The following ZNF385C variants were observed in gnomAD, a reference collection of about 807,000 sequenced individuals.
The protein encoded by ZNF385C is CTD-2132N18.2.
Under a neutral mutation model 35.4 loss-of-function variants are expected in ZNF385C, and 28 were observed. That is an observed-to-expected ratio of 0.79 (90% CI 0.59 to 1.08). The LOEUF (loss-of-function observed/expected upper bound fraction) is 1.08, where lower values mean the gene tolerates loss of function less well. ZNF385C is among the 50% of genes least tolerant of loss of function. The pLI is 0.00. For missense variants in ZNF385C, 605 were observed against 595.6 expected (o/e 1.02, Z -0.16); for synonymous variants, 248 against 248.2 (o/e 1.00, Z 0.01).
chr17:42,088,934 T>G (rs2053837309), intron 1 of ZNF385C, among the ~76,000 whole-genome samples: 1 of 151,850 alleles, frequency 6.6e-6, no homozygotes, highest in African/African-American at 2.4e-5. Flanking sequence ...CAAGCGATCC[T>G]CCCGCCTTGG....
Position 42,026,905 on chromosome 17 carries a change from G to A in ZNF385C, c.1504C>T (p.Pro502Ser), listed in dbSNP as rs782575618. 8 of 1,592,168 alleles carry A rather than the reference G, an allele frequency of 5.0e-6. No individual in the cohort carries two copies. The East Asian group carries it at 1.8e-4, about 36-fold the overall frequency. ...RPATGPIVLA[P>S]Y ...TGGCCTCCCCATGAGGGCTAATAAG[G>A]GGCAAGGACGATAGGTCCTGTGGCA... Residue 502 changes from proline (P) to serine (S), a missense_variant, in exon 9 of 9, where the codon CCT (proline) becomes TCT (serine). Transcript: ENST00000692273.
chr17:42,073,915 T>C (rs1221037143), intron 1 of ZNF385C, among the ~76,000 whole-genome samples: 1 of 152,050 alleles, frequency 6.6e-6, no homozygotes. Context: ...CAGGGATGCC[T>C]CACCCACGGT....
At chr17:42,062,772 C>A in intron 2 of ZNF385C, 35 bp downstream of exon 2, 1 of 512,164 alleles carries the variant, frequency 2.0e-6, no homozygotes, top group East Asian at 3.3e-5. Context: ...CTCCCCAAAC[C>A]AAATTTGTGG....
chr17:42,076,577 G>GC, intron 1 of ZNF385C, among the ~76,000 whole-genome samples: 1 of 152,106 alleles, frequency 6.6e-6, no homozygotes, highest in South Asian at 2.1e-4. Flanking sequence ...AGCCAAGATC[G>GC]CGCCACTGCA....
intron 4 of ZNF385C, among the ~76,000 whole-genome samples, chr17:42,033,216 C>T (rs951446300): frequency 2.6e-5 from 4 of 152,202 alleles, no homozygotes; most frequent in Admixed American, 1.3e-4. Context: ...GGCATCCAAC[C>T]GAAACCCCAG....
intron 2 of ZNF385C, among the ~76,000 whole-genome samples, chr17:42,059,159 C>A (rs1219712967): frequency 6.6e-6 from 1 of 152,152 alleles, no homozygotes. Flanking sequence ...ATCTAAGGAC[C>A]CGTCCCCACT....
rs375449373 is a variant in ZNF385C at position 42,026,914 on chromosome 17, C to T, written c.1495G>A (p.Val499Ile). 4.3e-5 allele frequency: 68 copies of T among 1,598,330 alleles called. 1 individual carries two copies. In the African/African-American group the frequency reaches 5.5e-4, roughly 13 times the overall value. ...CATGAGGGCTAATAAGGGGCAAGGACGATAGGTCCTGTGGCAGGGCGGACA... is the reference window on the plus strand; with the variant it reads ...CATGAGGGCTAATAAGGGGCAAGGATGATAGGTCCTGTGGCAGGGCGGACA... The part of the protein sequence containing the change: ...GAVRPATGPI[V>I]LAPY Residue 499 changes from valine (V) to isoleucine (I), a missense_variant, in exon 9 of 9, where the codon GTC (valine) becomes ATC (isoleucine). By Grantham distance (29) the Val-to-Ile change is conservative. Transcript: ENST00000692273.
chr17:42,042,145 G>A (rs782803535), intron 2 of ZNF385C, among the ~76,000 whole-genome samples: 2 of 152,096 alleles, frequency 1.3e-5, no homozygotes, highest in African/African-American at 4.8e-5. Context: ...GCCAAGGCAG[G>A]AGGATTGCTT....
At chr17:42,076,177 C>A (rs139291072) in intron 1 of ZNF385C, among the ~76,000 whole-genome samples, 13 of 152,308 alleles carry the variant, frequency 8.5e-5, no homozygotes, top group African/African-American at 2.9e-4. Context: ...GAATAACACA[C>A]CCCTAAACTC....
chr17:42,038,878 CTG>C (rs1228575900), intron 2 of ZNF385C: 2 of 152,272 alleles, frequency 1.3e-5, no homozygotes, highest in African/African-American at 4.8e-5. Flanking sequence ...GGACACTGTG[CTG>C]TGTGTCAGAA....
intron 1 of ZNF385C, among the ~76,000 whole-genome samples, chr17:42,093,411 T>A (rs368120958): frequency 3.9e-5 from 6 of 152,072 alleles, no homozygotes; most frequent in African/African-American, 1.4e-4. Flanking sequence ...ATCCCTTATC[T>A]CCCAGAGTGA....
intron 1 of ZNF385C, among the ~76,000 whole-genome samples, chr17:42,070,872 G>A (rs568081738): frequency 1.5e-4 from 23 of 152,322 alleles, no homozygotes; most frequent in Middle Eastern, 3.4e-3. Flanking sequence ...CTGAGGGGCC[G>A]TCAATGAGCA....
intron 1 of ZNF385C, among the ~76,000 whole-genome samples, chr17:42,079,186 G>A (rs1304159105): frequency 4.0e-4 from 26 of 65,034 alleles, no homozygotes; most frequent in African/African-American, 1.8e-3. Context: ...ACCCTGTCTC[G>A]CAAAAAAAAA....
At position 42,026,893 on chromosome 17, in the gene ZNF385C, AG is replaced by A; in HGVS notation, c.*3del. On this transcript the variant is annotated 3_prime_UTR_variant, in exon 9 of 9. Transcript: ENST00000692273. Reference sequence around the variant, plus strand: ...GGAAATCAGCTCTGGCCTCCCCATGAGGGCTAATAAGGGGCAAGGACGATAG... The same window carrying A: ...GGAAATCAGCTCTGGCCTCCCCATGAGGCTAATAAGGGGCAAGGACGATAG... 1 of 1,582,548 alleles carries A rather than the reference AG, an allele frequency of 6.3e-7. No individual in the cohort carries two copies. Among genetic ancestry groups the A allele is most frequent in the Non-Finnish European group, 8.6e-7 (1 of 1,163,806 alleles).
intron 2 of ZNF385C, among the ~76,000 whole-genome samples, chr17:42,049,901 C>T (rs1555656956): frequency 1.3e-5 from 2 of 152,234 alleles, no homozygotes; most frequent in African/African-American, 4.8e-5. Flanking sequence ...TTTTCAAGTG[C>T]TTAGTAGCCA....
intron 2 of ZNF385C, among the ~76,000 whole-genome samples, chr17:42,060,725 A>AT (rs1180215090): frequency 7.9e-5 from 12 of 151,160 alleles, no homozygotes; most frequent in South Asian, 2.1e-4. Flanking sequence ...TTTTTATTTT[A>AT]TTTTTTTTGA....
At chr17:42,053,477 T>TC (rs11384295) in intron 2 of ZNF385C, among the ~76,000 whole-genome samples, 8,030 of 151,900 alleles carry the variant, frequency 0.053, 694 homozygotes, top group African/African-American at 0.18. Flanking sequence ...CTCGGACGTC[T>TC]CCCCCTCCCC....
intron 1 of ZNF385C, among the ~76,000 whole-genome samples, chr17:42,088,921 C>G (rs1433056437): frequency 6.6e-6 from 1 of 152,028 alleles, no homozygotes; most frequent in East Asian, 1.9e-4. Flanking sequence ...GACCTCCTGG[C>G]CTCAAGCGAT....
intron 1 of ZNF385C, among the ~76,000 whole-genome samples, chr17:42,092,958 AG>A (rs782369655): frequency 6.6e-6 from 1 of 152,274 alleles, no homozygotes; most frequent in Non-Finnish European, 1.5e-5. Context: ...GCAGGGGGCA[AG>A]GCCAAAGCTG....
Sources: gnomAD v4.1 joint callset for allele counts (sites outside exome capture counted in the v4.1 genomes callset) on GRCh38, gnomAD v4.1.1 for gene constraint, MANE v1.5 for transcripts, NCBI Gene and HGNC (gene_info 2026-07-23, HGNC 2026-07-21) for gene names.